Variants in CNTNAP2 observed in about 807,000 individuals in gnomAD.
CNTNAP2 encodes contactin associated protein 2.
In CNTNAP2, 98 loss-of-function variants were observed where a neutral mutation model predicts 155.2. That is an observed-to-expected ratio of 0.63 (90% CI 0.54 to 0.75). The LOEUF is 0.75. Among genes scored for constraint, CNTNAP2 ranks in the 30% least tolerant of loss-of-function variants. The pLI, the probability that CNTNAP2 is intolerant of heterozygous loss-of-function variation, is 0.00. For missense variants in CNTNAP2, 1,727 were observed against 1,688.1 expected (o/e 1.02, Z -0.40); for synonymous variants, 651 against 631.2 (o/e 1.03, Z -0.47).
chr7:146,690,445 T>A (rs1800678564), intron 1 of CNTNAP2, among the ~76,000 whole-genome samples: 1 of 152,162 alleles, frequency 6.6e-6, no homozygotes. Context: ...TGGCTACAGT[T>A]TGCTCACAGT....
chr7:146,852,451 A>G (rs1405880394), intron 3 of CNTNAP2, among the ~76,000 whole-genome samples: 1 of 152,186 alleles, frequency 6.6e-6, no homozygotes, highest in Non-Finnish European at 1.5e-5. Context: ...AATGAACCAA[A>G]GACACTTTAA....
chr7:146,803,720 G>A (rs1193206206), intron 2 of CNTNAP2, among the ~76,000 whole-genome samples: 1 of 152,152 alleles, frequency 6.6e-6, no homozygotes, highest in Non-Finnish European at 1.5e-5. Context: ...TGTAAAAGTG[G>A]CAGTGAATTA....
chr7:146,902,757 T>A (rs1796028647), intron 3 of CNTNAP2, among the ~76,000 whole-genome samples: 1 of 152,214 alleles, frequency 6.6e-6, no homozygotes. Context: ...GCTCCTCACT[T>A]TCTTATCCCC....
At chr7:148,096,614 G>C (rs1803977984) in intron 15 of CNTNAP2, among the ~76,000 whole-genome samples, 1 of 152,134 alleles carries the variant, frequency 6.6e-6, no homozygotes, top group Non-Finnish European at 1.5e-5. Flanking sequence ...TAGAGGTAAA[G>C]CAGGAGACAC....
At chr7:147,070,744 C>A (rs1233157159) in intron 4 of CNTNAP2, among the ~76,000 whole-genome samples, 2 of 152,170 alleles carry the variant, frequency 1.3e-5, no homozygotes, top group Non-Finnish European at 2.9e-5. Flanking sequence ...GTACGGATTC[C>A]ATGTCAGGCA....
intron 15 of CNTNAP2, among the ~76,000 whole-genome samples, chr7:148,032,048 G>T (rs1221647133): frequency 6.6e-6 from 1 of 152,106 alleles, no homozygotes; most frequent in African/African-American, 2.4e-5. Context: ...GACTGCAGCC[G>T]CGCGGTGCCC....
At chr7:147,914,494 C>T (rs921485062) in intron 14 of CNTNAP2, among the ~76,000 whole-genome samples, 8 of 149,070 alleles carry the variant, frequency 5.4e-5, no homozygotes, top group East Asian at 2.0e-4. Flanking sequence ...GAGCCAAGAT[C>T]GCATCACTGC....
intron 1 of CNTNAP2, among the ~76,000 whole-genome samples, chr7:146,717,753 A>G (rs1328766741): frequency 6.6e-6 from 1 of 151,752 alleles, no homozygotes; most frequent in Non-Finnish European, 1.5e-5. Context: ...AACTTATATT[A>G]ATTGAGGTTT....
chr7:148,094,062 A>G (rs1803909534), intron 15 of CNTNAP2, among the ~76,000 whole-genome samples: 1 of 152,162 alleles, frequency 6.6e-6, no homozygotes, highest in Non-Finnish European at 1.5e-5. Context: ...CCAGTGGCTA[A>G]TATTACTTAA....
At chr7:146,534,239 T>G (rs895814557) in intron 1 of CNTNAP2, among the ~76,000 whole-genome samples, 1 of 152,124 alleles carries the variant, frequency 6.6e-6, no homozygotes, top group South Asian at 2.1e-4. Context: ...GAACTTGATT[T>G]TTTTCTGTGG....
intron 8 of CNTNAP2, among the ~76,000 whole-genome samples, chr7:147,178,125 C>A (rs941276544): frequency 9.2e-5 from 14 of 152,096 alleles, no homozygotes; most frequent in Admixed American, 3.9e-4. Flanking sequence ...GCAAAAGGGA[C>A]TTTGCAGATA....
At chr7:147,741,572 T>A (rs1029188886) in intron 13 of CNTNAP2, among the ~76,000 whole-genome samples, 8 of 152,216 alleles carry the variant, frequency 5.3e-5, no homozygotes, top group Non-Finnish European at 1.2e-4. Context: ...AACCTTTGAC[T>A]CATGGTTTAT....
At chr7:147,072,390 T>A (rs1799910299) in intron 4 of CNTNAP2, among the ~76,000 whole-genome samples, 1 of 152,156 alleles carries the variant, frequency 6.6e-6, no homozygotes, top group Non-Finnish European at 1.5e-5. Context: ...ACAGTTTGTA[T>A]GTGTTGGAGT....
intron 20 of CNTNAP2, among the ~76,000 whole-genome samples, chr7:148,241,190 A>G (rs923944929): frequency 6.6e-6 from 1 of 152,200 alleles, no homozygotes; most frequent in East Asian, 1.9e-4. Flanking sequence ...CATCTTTTCT[A>G]ATGCAGTTTG....
chr7:146,896,878 CTTA>C (rs1795888251), intron 3 of CNTNAP2, among the ~76,000 whole-genome samples: 1 of 151,656 alleles, frequency 6.6e-6, no homozygotes, highest in African/African-American at 2.4e-5. Flanking sequence ...ATTTATTTAA[CTTA>C]TTAATTAATG....
intron 1 of CNTNAP2, among the ~76,000 whole-genome samples, chr7:146,372,272 G>A (rs146620742): frequency 2.6e-4 from 39 of 152,254 alleles, no homozygotes; most frequent in African/African-American, 9.4e-4. Context: ...GAAGTTTCGC[G>A]AATTCCTAAT....
At chr7:146,151,639 T>C (rs1390903632) in intron 1 of CNTNAP2, among the ~76,000 whole-genome samples, 1 of 16,128 alleles carries the variant, frequency 6.2e-5, no homozygotes, top group Non-Finnish European at 1.3e-4. Flanking sequence ...AAACGTGATA[T>C]ATATATATAT....
chr7:147,454,508 T>G (rs1194568817), intron 10 of CNTNAP2, among the ~76,000 whole-genome samples: 2 of 152,122 alleles, frequency 1.3e-5, no homozygotes, highest in African/African-American at 4.8e-5. Context: ...ACAAATCTAT[T>G]AATATTGCTA....
intron 15 of CNTNAP2, among the ~76,000 whole-genome samples, chr7:148,103,995 T>C (rs987044236): frequency 2.6e-5 from 4 of 152,226 alleles, no homozygotes; most frequent in African/African-American, 4.8e-5. Context: ...TATTTCAAAA[T>C]GCTTCTGTAT....
Sources: gnomAD v4.1 joint callset for allele counts (sites outside exome capture counted in the v4.1 genomes callset) on GRCh38, gnomAD v4.1.1 for gene constraint, MANE v1.5 for transcripts, NCBI Gene and HGNC (gene_info 2026-07-23, HGNC 2026-07-21) for gene names.